Variants in NLRP9 observed in about 807,000 individuals in gnomAD.
NLRP9 encodes the protein NACHT, LRR and PYD domains-containing protein 9.
A neutral mutation model predicts 83.1 loss-of-function variants in NLRP9; 88 were observed. That is an observed-to-expected ratio of 1.06 (90% CI 0.89 to 1.26). The LOEUF (loss-of-function observed/expected upper bound fraction) is 1.26, where lower values mean the gene tolerates loss of function less well. Among genes scored for constraint, NLRP9 ranks in the 50% most tolerant of loss-of-function variants. The pLI, the probability that NLRP9 is intolerant of heterozygous loss-of-function variation, is 0.00. For missense variants in NLRP9, 1,308 were observed against 1,179.3 expected, an observed-to-expected ratio of 1.11 and a Z score of -1.60; for synonymous variants, 521 against 447.6, an observed-to-expected ratio of 1.16 and a Z score of -2.07.
At chr19:55,718,950 T>C (rs1191383795) in intron 4 of NLRP9, among the ~76,000 whole-genome samples, 1 of 152,224 alleles carries the variant, frequency 6.6e-6, no homozygotes, top group Non-Finnish European at 1.5e-5. Context: ...ATTTTTCAGA[T>C]CATTTATTAA....
At chr19:55,729,782 G>A (rs1988516438) in intron 3 of NLRP9, 49 bp downstream of exon 3, 2 of 1,518,490 alleles carry the variant, frequency 1.3e-6, no homozygotes, top group Non-Finnish European at 9.0e-7. Context: ...ACAGTAGAGA[G>A]AAGGAAACTC....
At chr19:55,710,973 C>T (rs1285190916) in intron 8 of NLRP9, among the ~76,000 whole-genome samples, 1 of 151,920 alleles carries the variant, frequency 6.6e-6, no homozygotes, top group East Asian at 1.9e-4. Context: ...GTAATCCCAG[C>T]TACTTGGGAG....
At chr19:55,713,610 C>CT (rs1326986811) in intron 6 of NLRP9, among the ~76,000 whole-genome samples, 1 of 92,306 alleles carries the variant, frequency 1.1e-5, no homozygotes, top group Non-Finnish European at 2.4e-5. Flanking sequence ...CTCCCTCCTC[C>CT]CCTCTCCCTC....
chr19:55,732,112 A>G lies in NLRP9; in HGVS notation c.1719T>C (p.Gly573=). 1 of 1,612,590 alleles carries G rather than the reference A, an allele frequency of 6.2e-7. No homozygotes were observed. The highest frequency in any genetic ancestry group is 1.1e-5 in the South Asian group (1 of 90,624). Residue 573 remains glycine, a synonymous_variant, in exon 2 of 9, where the codon GGT becomes GGC. Transcript: ENST00000332836. ...AAGCTATTACCAAATGTTCTATGTT[A>G]CCAATATAAATGAAAACTTCTTCAA... ...NFFEEVFIYI[G]NIEHLVIASF... is the part of the protein sequence containing the mutation.
At chr19:55,734,447 C>G (rs986008090) in intron 1 of NLRP9, among the ~76,000 whole-genome samples, 7 of 148,876 alleles carry the variant, frequency 4.7e-5, no homozygotes, top group African/African-American at 1.5e-4. Context: ...TAACCTTCCC[C>G]TACTTTCTGC....
intron 1 of NLRP9, 59 bp from the exon 2 acceptor site, chr19:55,733,609 C>T (rs1988677079): frequency 9.7e-7 from 1 of 1,031,502 alleles, no homozygotes; most frequent in South Asian, 1.6e-5. Context: ...TTTTATACTT[C>T]TGAGAACTGT....
rs750335549 is a variant in NLRP9 at position 55,711,815 on chromosome 19, G to T, written c.2828C>A (p.Ala943Asp). The T allele has an allele frequency of 5.6e-6, 9 of 1,613,066 alleles. No individual in the cohort carries two copies. The Admixed American group carries it at 1.5e-4, about 27-fold the overall frequency. ...LCEALSHPDC[A>D]LQMLGLHKSG... ...GTCCACTCACCCCAGCATCTGCAGG[G>T]CACAGTCCGGGTGGCTCAATGCCTC... Residue 943 changes from alanine (A) to aspartate (D), a missense_variant, in exon 8 of 9, where the codon GCC becomes GAC. By Grantham distance (126) the Ala-to-Asp change is moderately radical. Transcript: ENST00000332836.
At chr19:55,733,974 G>A (rs539754251) in intron 1 of NLRP9, among the ~76,000 whole-genome samples, 1 of 141,994 alleles carries the variant, frequency 7.0e-6, no homozygotes, top group African/African-American at 2.8e-5. Context: ...CCAGGCTGGA[G>A]TGCAGTGGCG....
rs59545375 is a variant in NLRP9, at chr19:55,734,363, C to CAAAAAAAAAA, written c.281-823_281-814dup. On this transcript the variant is annotated intron_variant, in intron 1 of 8. Transcript: ENST00000332836. ...TGGGCAACAGCCTGACACTCTATCT[C>CAAAAAAAAAA]AAAAAAAAAAAAAAAAAAAAAAAAA... Among the ~76,000 whole-genome samples, 5 of 76,694 alleles carry CAAAAAAAAAA rather than the reference C, an allele frequency of 6.5e-5. No individual in the cohort carries two copies. The East Asian group carries it at 1.6e-3, about 25-fold the overall frequency. The allele number at this position is 76,694 out of a possible 152,430, so 50.3% of individuals were successfully genotyped here.
intron 3 of NLRP9, among the ~76,000 whole-genome samples, chr19:55,725,040 C>T (rs1988357769): frequency 6.6e-6 from 1 of 152,080 alleles, no homozygotes; most frequent in Admixed American, 6.5e-5. Flanking sequence ...GCCTGGGCAA[C>T]AAGAGTGAAA....
Position 55,708,898 on chromosome 19 carries a change from C to A in NLRP9, c.*14G>T. ...GAAAGCCTTTGTGAGACGACTACTT[C>A]AGGGTGTTCCCCATCAGAGGAGCAC... is the stretch of plus-strand genomic sequence containing the variant. On this transcript the variant is annotated 3_prime_UTR_variant, in exon 9 of 9. Coordinates refer to ENST00000332836, the MANE Select transcript of NLRP9 (RefSeq NM_176820.4). 1.3e-6 allele frequency: 2 copies of A among 1,525,932 alleles called. No homozygotes were observed. Among genetic ancestry groups the A allele is most frequent in the African/African-American group, 1.4e-5 (1 of 69,774 alleles). The allele number at this position is 1,525,932 out of a possible 1,614,324, so 94.5% of individuals were successfully genotyped here. A position where few individuals can be genotyped will look rare whatever the true frequency, so the allele number is the denominator to read the frequency against.
chr19:55,712,349 A>G (rs536161288), intron 7 of NLRP9, 71 bp downstream of exon 7: 34 of 1,334,846 alleles, frequency 2.5e-5, no homozygotes, highest in African/African-American at 1.4e-4. Context: ...CTTCCATTCT[A>G]TTGACCCTCC....
In NLRP9 at chr19:55,732,667, G is replaced by A. The variant is rs770907706; in HGVS notation, c.1164C>T (p.Asn388=). ...CACACAGGCTTTTTAGTCGGGCTCT[G>A]TTCACCTTAGGTGGAAAACTCTGAC... ...AGSQSFPPKV[N]RARLKSLCAL... is the part of the protein sequence containing the mutation. Residue 388 remains asparagine (N), a synonymous_variant, in exon 2 of 9, where the codon AAC becomes AAT. Coordinates refer to ENST00000332836, the MANE Select transcript of NLRP9 (RefSeq NM_176820.4). 1 of 1,614,184 alleles carries A rather than the reference G, an allele frequency of 6.2e-7. No homozygotes were observed. The highest frequency in any genetic ancestry group is 2.2e-5 in the East Asian group (1 of 44,886).
chr19:55,729,895 C>T lies in NLRP9; in HGVS notation c.1930G>A (p.Asp644Asn). 1 of 1,613,750 alleles carries T rather than the reference C, an allele frequency of 6.2e-7. No homozygotes were observed. Among genetic ancestry groups the T allele is most frequent in the South Asian group, 1.1e-5 (1 of 91,062 alleles). Residue 644 changes from aspartate (D) to asparagine (N), a missense_variant, in exon 3 of 9, where the codon GAT (aspartate) becomes AAT (asparagine). By Grantham distance (23) the Asp-to-Asn change is conservative. Coordinates refer to ENST00000332836, the MANE Select transcript of NLRP9 (RefSeq NM_176820.4). ...ILDMENTSLD[D>N]PSLAILCKAL... Reference sequence around the variant, plus strand: ...TTGCAAAGAATCGCCAGGGAGGGATCATCGAGGCTGGTATTTTCCATGTCT... The same window carrying T: ...TTGCAAAGAATCGCCAGGGAGGGATTATCGAGGCTGGTATTTTCCATGTCT...
chr19:55,724,682 T>A (rs1381247023), intron 3 of NLRP9, among the ~76,000 whole-genome samples: 1 of 152,146 alleles, frequency 6.6e-6, no homozygotes, highest in East Asian at 1.9e-4. Flanking sequence ...ATTTTGCTTT[T>A]CTCCTTGTTG....
chr19:55,733,100 C>T lies in NLRP9; in HGVS notation c.731G>A (p.Ser244Asn). The T allele has an allele frequency of 6.2e-7, 1 of 1,614,068 alleles. No homozygotes were observed. Among genetic ancestry groups the T allele is most frequent in the Non-Finnish European group, 8.5e-7 (1 of 1,179,984 alleles). ...KFNLQLKADLSDDWRQRQPMP... is the reference protein window; with the variant it reads ...KFNLQLKADLNDDWRQRQPMP... ...TGGCTGCCGCTGCCTCCAATCATCGCTCAAGTCAGCCTTAAGTTGTAAGTT... is the reference window on the plus strand; with the variant it reads ...TGGCTGCCGCTGCCTCCAATCATCGTTCAAGTCAGCCTTAAGTTGTAAGTT... Residue 244 changes from serine to asparagine, a missense_variant, in exon 2 of 9, where the codon AGC (serine) becomes AAC (asparagine). By Grantham distance (46) the Ser-to-Asn change is conservative. Coordinates refer to ENST00000332836, the MANE Select transcript of NLRP9 (RefSeq NM_176820.4).
chr19:55,724,151 A>G lies in NLRP9; in HGVS notation c.1995-7T>C, dbSNP rs771014867. 3.8e-6 allele frequency: 6 copies of G among 1,594,604 alleles called. No homozygotes were observed. The East Asian group carries it at 1.3e-4, about 36-fold the overall frequency. ...AAAGTACACAGAAGTAAATCTGCAA[A>G]AGATTAAAAAAAAAATAGCATCATG... is the stretch of plus-strand genomic sequence containing the variant. On this transcript the variant is annotated splice_region_variant and splice_polypyrimidine_tract_variant and intron_variant, in intron 3 of 8. Transcript: ENST00000332836.
In NLRP9 at chr19:55,712,407, A is replaced by AGTAGATACCATCC. The variant is rs535938924; in HGVS notation, c.2672+12_2672+13insGGATGGTATCTAC. On this transcript the variant is annotated intron_variant, in intron 7 of 8. Coordinates refer to ENST00000332836, the MANE Select transcript of NLRP9 (RefSeq NM_176820.4). Reference sequence around the variant, plus strand: ...GATAAATTTTCCTACGATGGTGATCAGTAGATACTCACCCGAGACACTCTA... The same window carrying AGTAGATACCATCC: ...GATAAATTTTCCTACGATGGTGATCAGTAGATACCATCCGTAGATACTCACCCGAGACACTCTA... 56 of 1,602,120 alleles carry AGTAGATACCATCC rather than the reference A, an allele frequency of 3.5e-5. 1 individual carries two copies. The East Asian group carries it at 1.0e-3, about 29-fold the overall frequency.
intron 6 of NLRP9, among the ~76,000 whole-genome samples, chr19:55,714,266 C>T (rs900952751): frequency 6.6e-6 from 1 of 151,876 alleles, no homozygotes; most frequent in East Asian, 1.9e-4. Flanking sequence ...CTGGCCATCT[C>T]GATTCTTTAA....
Sources: gnomAD v4.1 joint callset for allele counts (sites outside exome capture counted in the v4.1 genomes callset) on GRCh38, gnomAD v4.1.1 for gene constraint, MANE v1.5 for transcripts, NCBI Gene and HGNC (gene_info 2026-07-23, HGNC 2026-07-21) for gene names.